HMGB1: variants seen among roughly 807,000 people sequenced by gnomAD.
HMGB1 encodes high mobility group box 1.
For missense variants in HMGB1, 79 were observed against 253.5 expected, an observed-to-expected ratio of 0.31 and a Z score of 4.67; for synonymous variants, 81 against 84.0, an observed-to-expected ratio of 0.96 and a Z score of 0.19.
chr13:30,468,135 A>T (rs909383260), upstream of HMGB1, among the ~76,000 whole-genome samples: 3 of 152,252 alleles, frequency 2.0e-5, 1 homozygote, highest in South Asian at 6.2e-4. Context: ...TTAAAATTAT[A>T]TAGACCCCTT....
At chr13:30,468,868 C>T (rs1232113306), upstream of HMGB1, among the ~76,000 whole-genome samples, 1 of 152,154 alleles carries the variant, frequency 6.6e-6, no homozygotes, top group African/African-American at 2.4e-5. Context: ...ACATATTTTA[C>T]TTTACAGTTA....
At chr13:30,606,443 C>T (rs567369991) in intron 1 of HMGB1, among the ~76,000 whole-genome samples, 2 of 140,604 alleles carry the variant, frequency 1.4e-5, no homozygotes, top group African/African-American at 5.8e-5. Flanking sequence ...GAGAGCATGT[C>T]TTAAAGCTGA....
intron 1 of HMGB1, among the ~76,000 whole-genome samples, chr13:30,534,808 C>T (rs542124256): frequency 6.6e-6 from 1 of 152,182 alleles, no homozygotes; most frequent in Admixed American, 6.5e-5. Context: ...AACTCCTGGC[C>T]TCAGGTGATC....
At chr13:30,545,047 T>C (rs1332011021) in intron 1 of HMGB1, among the ~76,000 whole-genome samples, 2 of 152,226 alleles carry the variant, frequency 1.3e-5, no homozygotes, top group African/African-American at 2.4e-5. Context: ...CTATTTTTTT[T>C]CTTATGTTCC....
intron 1 of HMGB1, among the ~76,000 whole-genome samples, chr13:30,537,829 T>G (rs1376752430): frequency 6.6e-6 from 1 of 151,874 alleles, no homozygotes; most frequent in Non-Finnish European, 1.5e-5. Context: ...TTGGACGGCA[T>G]AAGACATTTT....
intron 1 of HMGB1, among the ~76,000 whole-genome samples, chr13:30,504,773 T>C (rs902033295): frequency 6.6e-6 from 1 of 150,486 alleles, no homozygotes; most frequent in Non-Finnish European, 1.5e-5. Context: ...GGAGGGGTAA[T>C]ACCAGATAAT....
chr13:30,466,061 C>G (rs545683405), upstream of HMGB1: 73 of 583,814 alleles, frequency 1.3e-4, 1 homozygote, highest in South Asian at 4.8e-3. Context: ...GACACGTCAT[C>G]AAGGATTGAA....
At chr13:30,492,109 A>G (rs1887509501) in intron 1 of HMGB1, among the ~76,000 whole-genome samples, 1 of 152,078 alleles carries the variant, frequency 6.6e-6, no homozygotes, top group African/African-American at 2.4e-5. Context: ...CGGAGGTTGC[A>G]GTGAGCCAAG....
intron 1 of HMGB1, among the ~76,000 whole-genome samples, chr13:30,601,847 T>C (rs1325039532): frequency 6.7e-6 from 1 of 149,334 alleles, no homozygotes; most frequent in Non-Finnish European, 1.5e-5. Context: ...TGAAATGAAT[T>C]AATCCACATA....
intron 1 of HMGB1, among the ~76,000 whole-genome samples, chr13:30,585,227 C>T (rs973599504): frequency 2.0e-5 from 3 of 151,744 alleles, no homozygotes; most frequent in African/African-American, 7.3e-5. Flanking sequence ...GTGGGAGGGT[C>T]ACCTGAGCCT....
intron 1 of HMGB1, among the ~76,000 whole-genome samples, chr13:30,480,450 G>A (rs1887200783): frequency 6.6e-6 from 1 of 152,146 alleles, no homozygotes; most frequent in Non-Finnish European, 1.5e-5. Context: ...TCACTATGTT[G>A]CCCAGGCTCA....
intron 1 of HMGB1, among the ~76,000 whole-genome samples, chr13:30,527,323 G>A (rs1197585826): frequency 1.3e-5 from 2 of 152,158 alleles, no homozygotes; most frequent in Non-Finnish European, 2.9e-5. Flanking sequence ...GCTCACCAAG[G>A]AAGGAACCTC....
chr13:30,557,365 G>C (rs996895288), intron 1 of HMGB1, among the ~76,000 whole-genome samples: 2 of 152,166 alleles, frequency 1.3e-5, no homozygotes, highest in Admixed American at 6.5e-5. Context: ...GCGAGTTCCA[G>C]AGCTAAAAAG....
At chr13:30,501,071 C>G (rs1343878807) in intron 1 of HMGB1, among the ~76,000 whole-genome samples, 1 of 152,156 alleles carries the variant, frequency 6.6e-6, no homozygotes, top group African/African-American at 2.4e-5. Context: ...ATCCTCCCAC[C>G]TTGGCCTCCC....
intron 1 of HMGB1, among the ~76,000 whole-genome samples, chr13:30,539,189 G>C (rs563712932): frequency 6.6e-6 from 1 of 152,192 alleles, no homozygotes; most frequent in Non-Finnish European, 1.5e-5. Context: ...AAGCCACTGC[G>C]CCCAGCCAGC....
chr13:30,554,334 G>A, intron 1 of HMGB1: 1 of 916,378 alleles, frequency 1.1e-6, no homozygotes, highest in Non-Finnish European at 1.8e-6. Context: ...GGCACTGGGT[G>A]CACGGGCACC....
intron 1 of HMGB1, among the ~76,000 whole-genome samples, chr13:30,514,778 C>T (rs1888066687): frequency 6.6e-6 from 1 of 152,116 alleles, no homozygotes; most frequent in African/African-American, 2.4e-5. Context: ...GCTGGGAGTA[C>T]AGGTGTGTGT....
intron 1 of HMGB1, among the ~76,000 whole-genome samples, chr13:30,545,070 G>T (rs1159921471): frequency 6.6e-6 from 1 of 151,940 alleles, no homozygotes; most frequent in Non-Finnish European, 1.5e-5. Flanking sequence ...GTCATGTCTT[G>T]TTTCAGTTCT....
At chr13:30,590,117 C>T (rs1650229292) in intron 1 of HMGB1, among the ~76,000 whole-genome samples, 1 of 151,910 alleles carries the variant, frequency 6.6e-6, no homozygotes, top group Non-Finnish European at 1.5e-5. Flanking sequence ...AAACAAAGGG[C>T]TGTAAGGTAG....
Sources: gnomAD v4.1 joint callset for allele counts (sites outside exome capture counted in the v4.1 genomes callset) on GRCh38, gnomAD v4.1.1 for gene constraint, MANE v1.5 for transcripts, NCBI Gene and HGNC (gene_info 2026-07-23, HGNC 2026-07-21) for gene names.